Variants in CDH13 observed in about 807,000 individuals in gnomAD.
CDH13 encodes the protein cadherin 13.
Under a neutral mutation model 63.8 loss-of-function variants are expected in CDH13, and 24 were observed. The observed-to-expected ratio is 0.38, with a 90% CI of 0.27 to 0.53. The LOEUF (loss-of-function observed/expected upper bound fraction) is 0.53. Ranked by LOEUF, CDH13 falls within the 20% of genes least tolerant of loss-of-function variation. The pLI is 0.85. For missense variants in CDH13, 1,049 were observed against 903.1 expected (o/e 1.16, Z -2.07); for synonymous variants, 503 against 355.3 (o/e 1.42, Z -4.67).
intron 8 of CDH13, among the ~76,000 whole-genome samples, chr16:83,624,908 G>C (rs1567462939): frequency 6.6e-6 from 1 of 152,226 alleles, no homozygotes; most frequent in Non-Finnish European, 1.5e-5. Flanking sequence ...TGATTTGCAT[G>C]TGAAAAGCTG....
At chr16:82,806,298 C>A (rs1249669531) in intron 1 of CDH13, among the ~76,000 whole-genome samples, 2 of 152,180 alleles carry the variant, frequency 1.3e-5, no homozygotes, top group African/African-American at 4.8e-5. Context: ...TTCTTTCCAG[C>A]CCAGGGAGTC....
intron 4 of CDH13, among the ~76,000 whole-genome samples, chr16:83,155,916 C>T (rs572293486): frequency 6.6e-6 from 1 of 152,198 alleles, no homozygotes; most frequent in Admixed American, 6.5e-5. Flanking sequence ...CCCAGATGCA[C>T]CCCAATTGCC....
intron 1 of CDH13, among the ~76,000 whole-genome samples, chr16:82,830,607 T>A (rs2549158): frequency 0.73 from 111,067 of 152,178 alleles, 40,830 homozygotes; most frequent in East Asian, 0.98. Flanking sequence ...CTCATCTTAT[T>A]TGTAATGACA....
chr16:83,503,720 C>G (rs1182050323), intron 7 of CDH13, among the ~76,000 whole-genome samples: 1 of 152,132 alleles, frequency 6.6e-6, no homozygotes, highest in African/African-American at 2.4e-5. Flanking sequence ...TATCCTTCGC[C>G]TGCTTTTTAA....
intron 3 of CDH13, among the ~76,000 whole-genome samples, chr16:83,109,585 A>C (rs370115745): frequency 1.3e-5 from 2 of 152,170 alleles, no homozygotes; most frequent in African/African-American, 4.8e-5. Flanking sequence ...CCAGACATTT[A>C]TGAGCTCAGG....
At chr16:83,209,374 C>G (rs1371172795) in intron 4 of CDH13, among the ~76,000 whole-genome samples, 2 of 152,160 alleles carry the variant, frequency 1.3e-5, no homozygotes, top group African/African-American at 4.8e-5. Context: ...TAGCTTGGAA[C>G]AGACATCCGG....
At chr16:83,107,138 C>A (rs373054716) in intron 3 of CDH13, among the ~76,000 whole-genome samples, 1 of 152,224 alleles carries the variant, frequency 6.6e-6, no homozygotes, top group African/African-American at 2.4e-5. Flanking sequence ...AGAAGAGTTT[C>A]CTACATTAGG....
intron 5 of CDH13, among the ~76,000 whole-genome samples, chr16:83,334,443 C>G (rs747716986): frequency 1.3e-5 from 2 of 150,732 alleles, no homozygotes; most frequent in Non-Finnish European, 2.9e-5. Flanking sequence ...ACAATCACAG[C>G]TCCCTGCAGC....
intron 2 of CDH13, among the ~76,000 whole-genome samples, chr16:82,863,427 T>C (rs1392447558): frequency 6.6e-6 from 1 of 152,224 alleles, no homozygotes; most frequent in African/African-American, 2.4e-5. Context: ...GTTACAATAC[T>C]GTGGTTAAGA....
chr16:83,446,270 TC>T (rs1407602528), intron 6 of CDH13, among the ~76,000 whole-genome samples: 1 of 141,268 alleles, frequency 7.1e-6, no homozygotes, highest in Non-Finnish European at 1.5e-5. Flanking sequence ...GCCACTGCAC[TC>T]CAGCCTGGGC....
At chr16:82,813,218 C>G (rs900215787) in intron 1 of CDH13, among the ~76,000 whole-genome samples, 22 of 151,916 alleles carry the variant, frequency 1.4e-4, no homozygotes, top group South Asian at 6.2e-4. Context: ...GGCAGGAAAA[C>G]TATGAGTTAA....
chr16:83,793,661 T>C (rs989096586), intron 13 of CDH13, among the ~76,000 whole-genome samples: 1 of 152,052 alleles, frequency 6.6e-6, no homozygotes, highest in South Asian at 2.1e-4. Context: ...TTACCTTATA[T>C]GGCAAAAGAG....
At position 83,093,129 on chromosome 16, in the gene CDH13, T is replaced by A. The variant is rs561509655; in HGVS notation, c.367-32256T>A. On this transcript the variant is annotated intron_variant, in intron 3 of 13. Coordinates refer to ENST00000567109, the MANE Select transcript of CDH13 (RefSeq NM_001257.5). Reference sequence around the variant, plus strand: ...CATCTATAAAAGAAACCATTAGTCTTTGCCTATGTCTGCTAAAGCGAACTT... The same window carrying A: ...CATCTATAAAAGAAACCATTAGTCTATGCCTATGTCTGCTAAAGCGAACTT... Among the ~76,000 whole-genome samples, 14 of 152,210 alleles carry A rather than the reference T, an allele frequency of 9.2e-5. No individual in the cohort carries two copies. In the South Asian group the frequency reaches 2.1e-3, roughly 23 times the overall value.
chr16:83,630,503 A>C (rs747162888), intron 8 of CDH13, among the ~76,000 whole-genome samples: 31 of 152,332 alleles, frequency 2.0e-4, no homozygotes, highest in South Asian at 1.0e-3. Flanking sequence ...CTTACAGGTC[A>C]TAAGTAGGTA....
chr16:83,282,464 C>T (rs542576316), intron 5 of CDH13, among the ~76,000 whole-genome samples: 4 of 152,074 alleles, frequency 2.6e-5, no homozygotes, highest in Non-Finnish European at 4.4e-5. Flanking sequence ...AAAAATGTAA[C>T]GTTGGACCAG....
intron 6 of CDH13, among the ~76,000 whole-genome samples, chr16:83,404,442 G>T (rs1004423414): frequency 6.6e-6 from 1 of 152,158 alleles, no homozygotes; most frequent in African/African-American, 2.4e-5. Context: ...TATCAGTAAG[G>T]GTAAGCAGCT....
chr16:83,420,891 G>C (rs2071695125), intron 6 of CDH13, among the ~76,000 whole-genome samples: 1 of 152,198 alleles, frequency 6.6e-6, no homozygotes. Context: ...AGGGCAAGAG[G>C]AACAGGAGGA....
At chr16:82,758,686 AG>A (rs1567505764) in intron 1 of CDH13, among the ~76,000 whole-genome samples, 1 of 152,172 alleles carries the variant, frequency 6.6e-6, no homozygotes. Flanking sequence ...CTGGAGGGGT[AG>A]TAAATGTAGG....
intron 8 of CDH13, among the ~76,000 whole-genome samples, chr16:83,627,690 A>C (rs1419272091): frequency 6.6e-6 from 1 of 152,166 alleles, no homozygotes; most frequent in Admixed American, 6.5e-5. Context: ...AGCTGGGGTT[A>C]TAGGTACACG....
Sources: allele counts gnomAD v4.1 joint callset (sites outside exome capture counted in the v4.1 genomes callset), GRCh38; gene constraint gnomAD v4.1.1; transcripts MANE v1.5; gene names NCBI Gene and HGNC (gene_info 2026-07-23, HGNC 2026-07-21).